Variants in TGIF1 observed in about 807,000 individuals in gnomAD.
TGIF1 encodes homeobox protein TGIF1.
A neutral mutation model predicts 19.3 loss-of-function variants in TGIF1; 4 were observed. That is an observed-to-expected ratio of 0.21 (90% CI 0.10 to 0.47). The LOEUF (loss-of-function observed/expected upper bound fraction) is 0.47. Ranked by LOEUF, TGIF1 falls within the 20% of genes least tolerant of loss-of-function variation. The probability of loss-of-function intolerance (pLI) is 0.98; values close to 1 mark genes in which losing one functional copy is unlikely to be tolerated. For synonymous variants in TGIF1, 122 were observed against 129.3 expected, an observed-to-expected ratio of 0.94 and a Z score of 0.38; for missense variants, 275 against 341.4, an observed-to-expected ratio of 0.81 and a Z score of 1.53.
chr18:3,412,986 C>G (rs2082289961), intron 1 of TGIF1: 1 of 152,230 alleles, frequency 6.6e-6, no homozygotes, highest in East Asian at 1.9e-4. Context: ...TCACTGCACT[C>G]CAGCCTGGGC....
Position 3,459,482 on chromosome 18 carries a change from C to CA in TGIF1, c.*1543dup, listed in dbSNP as rs2049458169. On this transcript the variant is annotated 3_prime_UTR_variant, in exon 3 of 3. Transcript: ENST00000343820. ...AGCTTAGAATGGTCTGGCCTCACCT[C>CA]AGAGAGTCACAGAAATAGACAAAAA... 3 of 152,158 alleles carry CA rather than the reference C, an allele frequency of 2.0e-5. No individual in the cohort carries two copies. The South Asian group carries it at 6.2e-4, about 32-fold the overall frequency. 9.4% of individuals were successfully genotyped at this position (152,158 alleles called of 1,614,324 possible).
chr18:3,448,717 C>CTTTTTTTTTTTTTTTTTTTT (rs869086299), upstream of TGIF1: 115 of 244,844 alleles, frequency 4.7e-4, 7 homozygotes, highest in African/African-American at 4.8e-3. Flanking sequence ...GCGGGGGTGT[C>CTTTTTTTTTTTTTTTTTTTT]TTTTTTTTTT....
At chr18:3,422,673 C>CTTTTTTGTTTTTTGTTTTTTTTTT (rs1481496826) in intron 2 of TGIF1, among the ~76,000 whole-genome samples, 1 of 24,672 alleles carries the variant, frequency 4.1e-5, no homozygotes, top group African/African-American at 7.3e-5. Flanking sequence ...TATAGGTGGC[C>CTTTTTTGTTTTTTGTTTTTTTTTT]TTTTTTTTTT....
At position 3,451,580 on chromosome 18, in the gene TGIF1, A is replaced by C. The variant is rs771227902; in HGVS notation, c.16+1075A>C. On this transcript the variant is annotated intron_variant, in intron 1 of 2. Transcript: ENST00000343820. The surrounding 1 kb of genome is among the most constrained non-coding windows in gnomAD (Gnocchi z 5.4). ...CTGCGCATGCCCGGGAGCCGCCTGG[A>C]GTTTGGAACTCCACATTCTTTCAGA... 6.3e-5 allele frequency: 65 copies of C among 1,028,370 alleles called. No homozygotes were observed. Among genetic ancestry groups the C allele is most frequent in the South Asian group, 9.1e-5 (2 of 21,982 alleles). The allele number at this position is 1,028,370 out of a possible 1,614,324, so 63.7% of individuals were successfully genotyped here. A position where few individuals can be genotyped will look rare whatever the true frequency, so the allele number is the denominator to read the frequency against.
rs1163668749 is a variant in TGIF1 at position 3,458,612 on chromosome 18, C to A, written c.*672C>A. ...TACTCTTGATAGGAGGCATAGCAGGCCCTTAGAGCTTTACTTAAACTGCAT... is the reference window on the plus strand; with the variant it reads ...TACTCTTGATAGGAGGCATAGCAGGACCTTAGAGCTTTACTTAAACTGCAT... On this transcript the variant is annotated 3_prime_UTR_variant, in exon 3 of 3. Coordinates refer to ENST00000343820, the MANE Select transcript of TGIF1 (RefSeq NM_003244.4). 6.5e-6 allele frequency: 1 copy of A among 153,810 alleles called. No homozygotes were observed. Among genetic ancestry groups the A allele is most frequent in the East Asian group, 1.9e-4 (1 of 5,234 alleles). The allele number at this position is 153,810 out of a possible 1,614,324, so 9.5% of individuals were successfully genotyped here. A position where few individuals can be genotyped will look rare whatever the true frequency, so the allele number is the denominator to read the frequency against.
chr18:3,434,816 C>A (rs748037074), intron 2 of TGIF1, among the ~76,000 whole-genome samples: 1 of 152,196 alleles, frequency 6.6e-6, no homozygotes, highest in Non-Finnish European at 1.5e-5. Context: ...ACTTCCCAAG[C>A]ATGTTTGGTG....
At chr18:3,442,018 A>T (rs1342196048) in intron 2 of TGIF1, among the ~76,000 whole-genome samples, 2 of 152,372 alleles carry the variant, frequency 1.3e-5, no homozygotes, top group East Asian at 3.9e-4. Flanking sequence ...TTAAAAAGAA[A>T]AAGAAAGCCC....
intron 2 of TGIF1, among the ~76,000 whole-genome samples, chr18:3,440,999 G>A (rs4798096): frequency 0.63 from 95,947 of 152,036 alleles, 31,399 homozygotes; most frequent in East Asian, 0.9. Context: ...ATCTTTCCAT[G>A]TCAGTTCAGT....
At chr18:3,417,320 C>T (rs959393970) in intron 1 of TGIF1, among the ~76,000 whole-genome samples, 9 of 151,332 alleles carry the variant, frequency 5.9e-5, no homozygotes, top group Non-Finnish European at 8.8e-5. Flanking sequence ...CCACCGCGTC[C>T]GGCTAATTTT....
At chr18:3,450,526 G>A (rs1446215055) in intron 1 of TGIF1, 21 bp downstream of exon 1, 2 of 1,559,106 alleles carry the variant, frequency 1.3e-6, no homozygotes, top group Non-Finnish European at 8.7e-7. Flanking sequence ...CGCGGGCTGC[G>A]CGCACCAGAA....
At chr18:3,445,551 T>C (rs563823674), upstream of TGIF1, among the ~76,000 whole-genome samples, 306 of 151,066 alleles carry the variant, frequency 2.0e-3, 4 homozygotes, top group East Asian at 7.2e-3. Flanking sequence ...GGTGAAACCC[T>C]GTCTCTACTA....
At position 3,423,003 on chromosome 18, in the gene TGIF1, A is replaced by G. The variant is rs549017000; in HGVS notation, c.-45+4788A>G. 8.6e-5 allele frequency among the ~76,000 whole-genome samples: 13 copies of G among 151,848 alleles called. No individual in the cohort carries two copies. In the East Asian group the frequency reaches 1.6e-3, roughly 18 times the overall value. ...CGCGCCCAGGCTTTTTTTGTCTTTT[A>G]TGCCATATTTTTACTATACATGTTC... is the stretch of plus-strand genomic sequence containing the variant. On this transcript the variant is annotated intron_variant, in intron 2 of 3. Coordinates refer to the TGIF1 transcript ENST00000401449.
In TGIF1 at chr18:3,452,454, C is replaced by T; in HGVS notation, c.16+1949C>T. 4 of 1,603,654 alleles carry T rather than the reference C, an allele frequency of 2.5e-6. No individual in the cohort carries two copies. The South Asian group carries it at 3.3e-5, about 13-fold the overall frequency. On this transcript the variant is annotated intron_variant, in intron 1 of 2. Coordinates refer to ENST00000343820, the MANE Select transcript of TGIF1 (RefSeq NM_003244.4). ...GGGGAGCCGAGGCTGCCGAGGTTAC[C>T]CGGGTTTCTTTCCCCTTTTAGGTTT...
At chr18:3,449,807 A>G (rs918580582), upstream of TGIF1, 8 of 984,830 alleles carry the variant, frequency 8.1e-6, no homozygotes, top group Middle Eastern at 5.2e-4. Flanking sequence ...TGGAGGAGGG[A>G]AGGAGGGAGG....
At chr18:3,452,713 AG>A (rs1034495016) in intron 1 of TGIF1, among the ~76,000 whole-genome samples, 18 of 152,048 alleles carry the variant, frequency 1.2e-4, no homozygotes, top group Non-Finnish European at 2.4e-4. Context: ...ACTACCTGGG[AG>A]GGGGGAGCCT....
At position 3,459,863 on chromosome 18, in the gene TGIF1, G is replaced by A. The variant is rs1190839051; in HGVS notation, c.*1923G>A. 6.6e-6 allele frequency: 1 copy of A among 152,224 alleles called. No homozygotes were observed. Among genetic ancestry groups the A allele is most frequent in the East Asian group, 1.9e-4 (1 of 5,188 alleles). The allele number at this position is 152,224 out of a possible 1,614,324, so 9.4% of individuals were successfully genotyped here. ...AATGTAATCCATTATTTAAAAACAG[G>A]TACATTTAAGTGAAAAGATAAATGT... On this transcript the variant is annotated 3_prime_UTR_variant, in exon 3 of 3. Coordinates refer to ENST00000343820, the MANE Select transcript of TGIF1 (RefSeq NM_003244.4).
intron 2 of TGIF1, among the ~76,000 whole-genome samples, chr18:3,422,292 A>G (rs1211370728): frequency 7.1e-6 from 1 of 141,048 alleles, no homozygotes; most frequent in Non-Finnish European, 1.5e-5. Flanking sequence ...AAAAGTTTAA[A>G]AAGTAAAAAA....
At chr18:3,449,654 G>A, upstream of TGIF1, 5 of 985,164 alleles carry the variant, frequency 5.1e-6, no homozygotes, top group Middle Eastern at 5.2e-4. Flanking sequence ...CATTCTGGAA[G>A]AAGTTGGTTC....
In TGIF1 at chr18:3,451,379, C is replaced by A; in HGVS notation, c.16+874C>A. On this transcript the variant is annotated intron_variant, in intron 1 of 2. Coordinates refer to ENST00000343820, the MANE Select transcript of TGIF1 (RefSeq NM_003244.4). This position sits in a 1 kb window ranked among gnomAD's most constrained non-coding sequence, Gnocchi z 5.4. ...GGGGGTGGAGAAACCACACAAAACA[C>A]CCCGAAAGGTCAGAGTGTGAAGTCC... is the stretch of plus-strand genomic sequence containing the variant. The A allele has an allele frequency of 1.0e-6, 1 of 981,760 alleles. No individual in the cohort carries two copies. The highest frequency in any genetic ancestry group is 1.2e-6 in the Non-Finnish European group (1 of 829,674). The allele number at this position is 981,760 out of a possible 1,614,324, so 60.8% of individuals were successfully genotyped here.
Sources: allele counts gnomAD v4.1 joint callset (sites outside exome capture counted in the v4.1 genomes callset), GRCh38; gene constraint gnomAD v4.1.1; non-coding constraint Gnocchi (gnomAD v3.1); transcripts MANE v1.5; gene names NCBI Gene and HGNC (gene_info 2026-07-23, HGNC 2026-07-21).